DCC: variants seen among roughly 807,000 people sequenced by gnomAD.
DCC encodes the protein netrin receptor DCC.
Under a neutral mutation model 172.5 loss-of-function variants are expected in DCC, and 58 were observed. The observed-to-expected ratio is 0.34, with a 90% confidence interval of 0.27 to 0.42. DCC has a LOEUF of 0.42. Ranked by LOEUF, DCC falls within the 10% of genes least tolerant of loss-of-function variation. The probability of loss-of-function intolerance (pLI) is 1.00; values close to 1 mark genes in which losing one functional copy is unlikely to be tolerated. For synonymous variants in DCC, 709 were observed against 644.5 expected (o/e 1.10, Z -1.52); for missense variants, 1,740 against 1,791.0 (o/e 0.97, Z 0.51).
At chr18:52,440,086 A>C (rs1469435280) in intron 1 of DCC, among the ~76,000 whole-genome samples, 4 of 152,182 alleles carry the variant, frequency 2.6e-5, no homozygotes. Context: ...AGAGTGGAAT[A>C]AGAACCAGAG....
At chr18:52,901,891 C>A (rs1013775701) in intron 2 of DCC, among the ~76,000 whole-genome samples, 1 of 152,168 alleles carries the variant, frequency 6.6e-6, no homozygotes, top group Middle Eastern at 3.4e-3. Flanking sequence ...ACTTTTCAAG[C>A]TTTTATTTAT....
In DCC at chr18:52,906,190, T is replaced by C. The variant is rs2039879020; in HGVS notation, c.559T>C (p.Ser187Pro). ...AGACCTGACTCCAATCCCAGGTGAC[T>C]CCCGAGTGGTGGTCTTGCCCTCTGG... Reference protein sequence around the residue: ...QQDLTPIPGDSRVVVLPSGAL... With the variant: ...QQDLTPIPGDPRVVVLPSGAL... Residue 187 changes from serine (S) to proline (P), a missense_variant, in exon 3 of 29, where the codon TCC (serine) becomes CCC (proline). By Grantham distance (74) the Ser-to-Pro change is moderately conservative. Coordinates refer to ENST00000442544, the MANE Select transcript of DCC (RefSeq NM_005215.4). 2 of 1,614,042 alleles carry C rather than the reference T, an allele frequency of 1.2e-6. No individual in the cohort carries two copies. The highest frequency in any genetic ancestry group is 8.5e-7 in the Non-Finnish European group (1 of 1,180,020).
chr18:53,063,084 TG>T (rs2042518706), intron 5 of DCC, among the ~76,000 whole-genome samples: 1 of 152,152 alleles, frequency 6.6e-6, no homozygotes, highest in South Asian at 2.1e-4. Flanking sequence ...TTTCTTTCCT[TG>T]TGGCAGAACA....
intron 11 of DCC, among the ~76,000 whole-genome samples, chr18:53,212,613 A>G (rs1429426563): frequency 6.6e-6 from 1 of 152,072 alleles, no homozygotes; most frequent in African/African-American, 2.4e-5. Context: ...CTACTTCAAT[A>G]CCATTACAAA....
At position 53,496,860 on chromosome 18, in the gene DCC, T is replaced by G. The variant is rs116834400; in HGVS notation, c.3899-2438T>G. On this transcript the variant is annotated intron_variant, in intron 26 of 28. Coordinates refer to ENST00000442544, the MANE Select transcript of DCC (RefSeq NM_005215.4). ...ACACAAGTATCAATAGCTGAATTGATCAAGTGGTTGAAAGTATAATGTAGA... is the reference window on the plus strand; with the variant it reads ...ACACAAGTATCAATAGCTGAATTGAGCAAGTGGTTGAAAGTATAATGTAGA... 5.3e-3 allele frequency among the ~76,000 whole-genome samples: 811 copies of G among 152,224 alleles called. 10 individuals carry two copies. The highest frequency in any genetic ancestry group is 0.019 in the African/African-American group (782 of 41,532).
chr18:53,289,724 T>A (rs2056979857), intron 12 of DCC, among the ~76,000 whole-genome samples: 1 of 152,152 alleles, frequency 6.6e-6, no homozygotes, highest in Admixed American at 6.5e-5. Flanking sequence ...AGCCATGTAA[T>A]TTTGAGACTG....
intron 5 of DCC, among the ~76,000 whole-genome samples, chr18:53,024,393 C>T (rs1367684740): frequency 6.6e-6 from 1 of 152,132 alleles, no homozygotes; most frequent in Non-Finnish European, 1.5e-5. Context: ...TAAAATTTCA[C>T]AGGATCCTCC....
intron 1 of DCC, among the ~76,000 whole-genome samples, chr18:52,362,521 G>C (rs1984663293): frequency 6.6e-6 from 1 of 152,178 alleles, no homozygotes; most frequent in Non-Finnish European, 1.5e-5. Flanking sequence ...GGGAAGATAA[G>C]GGAGGGTTAT....
chr18:53,101,186 G>A (rs1234579301), intron 7 of DCC, among the ~76,000 whole-genome samples: 1 of 152,054 alleles, frequency 6.6e-6, no homozygotes, highest in Non-Finnish European at 1.5e-5. Context: ...GTTCCAGGTG[G>A]CCCAAGGTCG....
chr18:53,177,252 G>T (rs1322324724), intron 8 of DCC, among the ~76,000 whole-genome samples: 1 of 152,018 alleles, frequency 6.6e-6, no homozygotes, highest in East Asian at 1.9e-4. Context: ...AGTGGGTGCA[G>T]TGCACCAGCA....
At chr18:52,576,159 G>A (rs866943384) in intron 1 of DCC, among the ~76,000 whole-genome samples, 4 of 152,216 alleles carry the variant, frequency 2.6e-5, no homozygotes, top group East Asian at 1.9e-4. Context: ...AAAAGATACC[G>A]GAAAAAGAAA....
At chr18:53,237,975 TA>T (rs1398056283) in intron 12 of DCC, among the ~76,000 whole-genome samples, 1 of 152,154 alleles carries the variant, frequency 6.6e-6, no homozygotes, top group East Asian at 1.9e-4. Flanking sequence ...CAAGAAAACC[TA>T]AGAACACAAT....
At chr18:53,218,244 G>A (rs1208861514) in intron 12 of DCC, among the ~76,000 whole-genome samples, 1 of 152,098 alleles carries the variant, frequency 6.6e-6, no homozygotes, top group Non-Finnish European at 1.5e-5. Flanking sequence ...TAAATATAGA[G>A]CACAATTGAT....
intron 8 of DCC, among the ~76,000 whole-genome samples, chr18:53,157,720 T>C (rs1330581417): frequency 6.6e-6 from 1 of 152,174 alleles, no homozygotes; most frequent in Non-Finnish European, 1.5e-5. Flanking sequence ...GTATAAAAAA[T>C]CCTTGAAAAA....
intron 6 of DCC, among the ~76,000 whole-genome samples, chr18:53,065,649 T>C (rs930553586): frequency 2.6e-5 from 4 of 152,066 alleles, no homozygotes; most frequent in African/African-American, 7.2e-5. Flanking sequence ...ATACCCTTTC[T>C]TTTTTTTCCT....
intron 1 of DCC, among the ~76,000 whole-genome samples, chr18:52,667,190 C>T (rs1292039580): frequency 6.6e-6 from 1 of 152,130 alleles, no homozygotes; most frequent in African/African-American, 2.4e-5. Flanking sequence ...CTCAGTTTGT[C>T]GCTTCAGCCT....
chr18:53,205,306 A>G lies in DCC; in HGVS notation c.1664A>G (p.Asn555Ser). 1 of 1,613,914 alleles carries G rather than the reference A, an allele frequency of 6.2e-7. No individual in the cohort carries two copies. Among genetic ancestry groups the G allele is most frequent in the Non-Finnish European group, 8.5e-7 (1 of 1,179,876 alleles). The change falls in exon 10 of 29, where the codon AAC becomes AGC. Residue 555 changes from asparagine (N) to serine (S), a missense_variant. Transcript: ENST00000442544. ...ACCTGGGAACCCCCTGCCTATGCAA[A>G]CGGTCCAGTCCAAGGTTACAGATTG... ...LITWEPPAYA[N>S]GPVQGYRLFC...
intron 12 of DCC, among the ~76,000 whole-genome samples, chr18:53,277,093 C>A (rs1188645271): frequency 1.3e-5 from 2 of 152,102 alleles, no homozygotes; most frequent in Non-Finnish European, 2.9e-5. Flanking sequence ...GAAATGTAAA[C>A]AAATAAATAT....
At chr18:52,638,428 A>G (rs1244711480) in intron 1 of DCC, among the ~76,000 whole-genome samples, 1 of 152,146 alleles carries the variant, frequency 6.6e-6, no homozygotes, top group African/African-American at 2.4e-5. Flanking sequence ...CAAACTAACC[A>G]TTTGCTGCCT....
Sources: allele counts gnomAD v4.1 joint callset (sites outside exome capture counted in the v4.1 genomes callset), GRCh38; gene constraint gnomAD v4.1.1; transcripts MANE v1.5; gene names NCBI Gene and HGNC (gene_info 2026-07-23, HGNC 2026-07-21).